Variants in CXADR observed in about 807,000 individuals in gnomAD.
CXADR encodes coxsackievirus and adenovirus receptor.
CXADR carries 20 observed loss-of-function variants against 40.3 expected under a neutral mutation model. The observed-to-expected ratio is 0.50, with a 90% CI of 0.35 to 0.72. The LOEUF (loss-of-function observed/expected upper bound fraction) is 0.72, where lower values mean the gene tolerates loss of function less well. CXADR is among the 30% of genes least tolerant of loss of function. CXADR has a pLI of 0.01. For missense variants in CXADR, 332 were observed against 449.1 expected (o/e 0.74, Z 2.36); for synonymous variants, 150 against 161.3 (o/e 0.93, Z 0.53).
Position 17,513,211 on chromosome 21 carries a change from C to G in CXADR, c.43+39C>G, listed in dbSNP as rs777432773. Reference sequence around the variant, plus strand: ...ATGGGGTCCTCAGCACCCGCCCAGCCCGGGGGCGCTCGCTGCCCGCGGCCA... The same window carrying G: ...ATGGGGTCCTCAGCACCCGCCCAGCGCGGGGGCGCTCGCTGCCCGCGGCCA... On this transcript the variant is annotated intron_variant, in intron 1 of 6. Transcript: ENST00000284878. The G allele has an allele frequency of 6.7e-6, 9 of 1,349,060 alleles. No homozygotes were observed. The South Asian group carries it at 1.5e-4, about 22-fold the overall frequency. The allele number at this position is 1,349,060 out of a possible 1,614,324, so 83.6% of individuals were successfully genotyped here. A position where few individuals can be genotyped will look rare whatever the true frequency, so the allele number is the denominator to read the frequency against.
chr21:17,570,165 T>C, downstream of CXADR: 1 of 985,418 alleles, frequency 1.0e-6, no homozygotes, highest in Non-Finnish European at 1.2e-6. Context: ...TTTAATATTT[T>C]ATTCCTCCCT....
the CXADR span, among the ~76,000 whole-genome samples, chr21:17,616,269 A>AC: frequency 2.6e-4 from 40 of 151,646 alleles, no homozygotes; most frequent in East Asian, 7.4e-3. Flanking sequence ...AAAAGAAGGA[A>AC]AAAAAAACAG....
chr21:17,574,753 G>T (rs1050689015), downstream of CXADR, among the ~76,000 whole-genome samples: 1 of 152,136 alleles, frequency 6.6e-6, no homozygotes, highest in African/African-American at 2.4e-5. Flanking sequence ...TGAATGTTCA[G>T]AAGTGAAGCT....
the CXADR span, among the ~76,000 whole-genome samples, chr21:17,628,253 T>C: frequency 6.6e-6 from 1 of 152,172 alleles, no homozygotes; most frequent in Admixed American, 6.5e-5. Flanking sequence ...TGTATAAATA[T>C]ATATAAAGAG....
At chr21:17,608,830 G>A in the CXADR span, 2 of 795,844 alleles carry the variant, frequency 2.5e-6, no homozygotes, top group Non-Finnish European at 1.9e-6. Context: ...AATGAGTAAG[G>A]AGAAAATATA....
chr21:17,627,316 A>G, the CXADR span, among the ~76,000 whole-genome samples: 2 of 152,130 alleles, frequency 1.3e-5, no homozygotes, highest in Non-Finnish European at 2.9e-5. Flanking sequence ...AGATTACACC[A>G]TTGCACTCCA....
chr21:17,529,871 A>G (rs2060648094), intron 1 of CXADR, among the ~76,000 whole-genome samples: 1 of 152,118 alleles, frequency 6.6e-6, no homozygotes, highest in Non-Finnish European at 1.5e-5. Context: ...TGATCCGGAA[A>G]TAGAACCCAA....
chr21:17,623,364 G>A, the CXADR span, among the ~76,000 whole-genome samples: 1 of 116,296 alleles, frequency 8.6e-6, no homozygotes, highest in Non-Finnish European at 1.8e-5. Context: ...ATAACTAAAT[G>A]TTTTAACAAT....
intron 1 of CXADR, among the ~76,000 whole-genome samples, chr21:17,525,135 A>G (rs962147790): frequency 6.6e-6 from 1 of 152,204 alleles, no homozygotes; most frequent in African/African-American, 2.4e-5. Context: ...ACTTGGTGAG[A>G]AAAAGGATTA....
intron 2 of CXADR, among the ~76,000 whole-genome samples, chr21:17,549,817 T>C (rs1285302703): frequency 6.6e-6 from 1 of 152,186 alleles, no homozygotes; most frequent in Non-Finnish European, 1.5e-5. Context: ...CCTTTAGAGT[T>C]AGATTCCACA....
In CXADR at chr21:17,585,041, T is replaced by A. The variant is rs566131916; in HGVS notation, c.1018-8111T>A. Among the ~76,000 whole-genome samples the A allele has an allele frequency of 2.0e-5, 3 of 152,330 alleles. No individual in the cohort carries two copies. In the South Asian group the frequency reaches 6.2e-4, roughly 32 times the overall value. ...AGAGTTTAGTAAAACAAAATCACAC[T>A]GTTTTTCCATTGAATTTTGTGGCTT... On this transcript the variant is annotated intron_variant, in intron 7 of 7. Transcript: ENST00000400169.
At chr21:17,633,923 T>A in the CXADR span, among the ~76,000 whole-genome samples, 1 of 152,240 alleles carries the variant, frequency 6.6e-6, no homozygotes, top group Non-Finnish European at 1.5e-5. Context: ...TTTATAAATT[T>A]GTATGCCTGT....
chr21:17,574,632 G>A (rs2061305264), downstream of CXADR, among the ~76,000 whole-genome samples: 1 of 152,156 alleles, frequency 6.6e-6, no homozygotes, highest in Non-Finnish European at 1.5e-5. Context: ...GAAATGGAGA[G>A]AAAATTGGAC....
chr21:17,566,439 C>G lies in CXADR; in HGVS notation c.*747C>G. 1.0e-6 allele frequency: 1 copy of G among 985,354 alleles called. No homozygotes were observed. Among genetic ancestry groups the G allele is most frequent in the African/African-American group, 1.7e-5 (1 of 57,348 alleles). The allele number at this position is 985,354 out of a possible 1,614,324, so 61.0% of individuals were successfully genotyped here. A position where few individuals can be genotyped will look rare whatever the true frequency, so the allele number is the denominator to read the frequency against. On this transcript the variant is annotated 3_prime_UTR_variant, in exon 7 of 7. Transcript: ENST00000284878. ...CCACATATTGAGATGACACTAGGTG[C>G]AATAGCAGGGATAGATTTTGTTGGT...
At chr21:17,610,423 A>G in the CXADR span, among the ~76,000 whole-genome samples, 1 of 152,268 alleles carries the variant, frequency 6.6e-6, no homozygotes, top group Non-Finnish European at 1.5e-5. Context: ...CCACAAGTTA[A>G]GAGACACAAA....
chr21:17,529,853 T>C (rs977600723), intron 1 of CXADR, among the ~76,000 whole-genome samples: 22 of 152,098 alleles, frequency 1.4e-4, no homozygotes, highest in African/African-American at 4.8e-4. Flanking sequence ...CCTGCATACC[T>C]AGCAACCTGA....
chr21:17,552,039 A>G (rs2060976204), intron 3 of CXADR, 86 bp downstream of exon 3: 2 of 998,560 alleles, frequency 2.0e-6, no homozygotes, highest in African/African-American at 3.3e-5. Context: ...TGTATAAAAT[A>G]AAGCTTAATT....
chr21:17,599,091 AT>A, the CXADR span: 1 of 333,530 alleles, frequency 3.0e-6, no homozygotes, highest in East Asian at 5.0e-5. Context: ...TAAAAAAAAA[AT>A]TGTTTAAAAC....
At chr21:17,609,556 G>A in the CXADR span, among the ~76,000 whole-genome samples, 1 of 152,152 alleles carries the variant, frequency 6.6e-6, no homozygotes, top group East Asian at 1.9e-4. Context: ...CATAAAAAAA[G>A]TCTACTTTAA....
Sources: gnomAD v4.1 joint callset for allele counts (sites outside exome capture counted in the v4.1 genomes callset) on GRCh38, gnomAD v4.1.1 for gene constraint, MANE v1.5 for transcripts, NCBI Gene and HGNC (gene_info 2026-07-23, HGNC 2026-07-21) for gene names.